The following RUNDC3B variants were observed in gnomAD, a reference collection of about 807,000 sequenced individuals.
RUNDC3B encodes RUN domain containing 3B, also known as RUN domain-containing protein 3B.
RUNDC3B carries 33 observed loss-of-function variants against 58.4 expected under a neutral mutation model. The observed-to-expected ratio is 0.56, with a 90% CI of 0.43 to 0.75. The LOEUF (loss-of-function observed/expected upper bound fraction) is 0.75, where lower values mean the gene tolerates loss of function less well. RUNDC3B is among the 30% of genes least tolerant of loss of function. The probability of loss-of-function intolerance (pLI) is 0.00; values close to 1 mark genes in which losing one functional copy is unlikely to be tolerated. For missense variants in RUNDC3B, 501 were observed against 535.7 expected (o/e 0.94, Z 0.64); for synonymous variants, 193 against 195.2 (o/e 0.99, Z 0.10).
At chr7:87,640,630 C>T (rs1363934688) in intron 1 of RUNDC3B, among the ~76,000 whole-genome samples, 2 of 152,196 alleles carry the variant, frequency 1.3e-5, no homozygotes, top group African/African-American at 4.8e-5. Flanking sequence ...CAGGCATGAG[C>T]CACCACGTGT....
At chr7:87,802,181 C>T (rs1040698501) in intron 8 of RUNDC3B, among the ~76,000 whole-genome samples, 1 of 151,988 alleles carries the variant, frequency 6.6e-6, no homozygotes, top group Admixed American at 6.6e-5. Context: ...CACTTGAGCC[C>T]AGGAGTTTGA....
rs555914294 is a variant in RUNDC3B at position 87,629,483 on chromosome 7, A to T, written c.122+538A>T. Among the ~76,000 whole-genome samples, 17 of 152,302 alleles carry T rather than the reference A, an allele frequency of 1.1e-4. No individual in the cohort carries two copies. The South Asian group carries it at 3.3e-3, about 30-fold the overall frequency. Reference sequence around the variant, plus strand: ...CTATCCACTTTTCAGCTACAGTGCTAGTGCTGGTTCTGCAGTTGTTATTAA... The same window carrying T: ...CTATCCACTTTTCAGCTACAGTGCTTGTGCTGGTTCTGCAGTTGTTATTAA... On this transcript the variant is annotated intron_variant, in intron 1 of 10. Coordinates refer to ENST00000394654, the MANE Select transcript of RUNDC3B (RefSeq NM_001134405.2).
chr7:87,672,471 T>C (rs1280380165), intron 2 of RUNDC3B, among the ~76,000 whole-genome samples: 1 of 152,122 alleles, frequency 6.6e-6, no homozygotes, highest in East Asian at 1.9e-4. Flanking sequence ...TCTTATCTTG[T>C]GGGGTGCCGT....
chr7:87,789,287 T>C (rs1835400163), intron 8 of RUNDC3B, among the ~76,000 whole-genome samples: 1 of 152,260 alleles, frequency 6.6e-6, no homozygotes, highest in Admixed American at 6.5e-5. Flanking sequence ...CTGTCCTATA[T>C]GGTTTCCTAG....
At chr7:87,732,914 A>C (rs1280283172) in intron 4 of RUNDC3B, among the ~76,000 whole-genome samples, 3 of 152,200 alleles carry the variant, frequency 2.0e-5, no homozygotes, top group Non-Finnish European at 4.4e-5. Context: ...AAACAGAAAC[A>C]CAATCTTTCC....
At chr7:87,711,658 T>C (rs1830097194) in intron 4 of RUNDC3B, among the ~76,000 whole-genome samples, 1 of 152,174 alleles carries the variant, frequency 6.6e-6, no homozygotes, top group Non-Finnish European at 1.5e-5. Context: ...CACTAACACA[T>C]GCCATGTATA....
chr7:87,679,123 C>T (rs1201587329), intron 2 of RUNDC3B, among the ~76,000 whole-genome samples: 1 of 133,236 alleles, frequency 7.5e-6, no homozygotes, highest in African/African-American at 3.0e-5. Flanking sequence ...GACAGAGTCC[C>T]GCTCTTTCCC....
chr7:87,794,202 C>T (rs1412444175), intron 8 of RUNDC3B, among the ~76,000 whole-genome samples: 5 of 152,078 alleles, frequency 3.3e-5, no homozygotes, highest in Non-Finnish European at 5.9e-5. Flanking sequence ...TTTGGGAGGC[C>T]GAGGTGGGCG....
At position 87,770,612 on chromosome 7, in the gene RUNDC3B, C is replaced by G. The variant is rs768933809; in HGVS notation, c.661C>G (p.Leu221Val). 2 of 1,613,590 alleles carry G rather than the reference C, an allele frequency of 1.2e-6. No homozygotes were observed. Among genetic ancestry groups the G allele is most frequent in the Non-Finnish European group, 1.7e-6 (2 of 1,179,736 alleles). ...SDSISSDEEE[L>V]RTLGSSGSES... Reference sequence around the variant, plus strand: ...TAGTATCAGCAGTGATGAGGAGGAGCTAAGGACTTTGGGAAGCAGTGGTAG... The same window carrying G: ...TAGTATCAGCAGTGATGAGGAGGAGGTAAGGACTTTGGGAAGCAGTGGTAG... The change falls in exon 7 of 11, where the codon CTA (leucine) becomes GTA (valine). Residue 221 changes from leucine to valine, a missense_variant. Leu to Val is a conservative substitution (Grantham distance 32). Coordinates refer to ENST00000394654, the MANE Select transcript of RUNDC3B (RefSeq NM_001134405.2).
intron 8 of RUNDC3B, among the ~76,000 whole-genome samples, chr7:87,802,929 G>C (rs1322933870): frequency 6.6e-6 from 1 of 152,058 alleles, no homozygotes; most frequent in African/African-American, 2.4e-5. Context: ...AGTTTGCAGA[G>C]AGCCATGATC....
At chr7:87,720,602 T>C (rs906196027) in intron 4 of RUNDC3B, among the ~76,000 whole-genome samples, 1 of 151,474 alleles carries the variant, frequency 6.6e-6, no homozygotes, top group South Asian at 2.1e-4. Context: ...TTTCTTTTTT[T>C]TTTTCTTTTC....
intron 2 of RUNDC3B, 56 bp from the exon 3 acceptor site, chr7:87,700,365 C>A: frequency 1.4e-6 from 2 of 1,396,860 alleles, no homozygotes; most frequent in Non-Finnish European, 1.9e-6. Context: ...CTTGCATTTT[C>A]AAGTCTAGTT....
chr7:87,750,890 C>A lies in RUNDC3B; in HGVS notation c.629+9311C>A, dbSNP rs1484502205. Among the ~76,000 whole-genome samples the A allele has an allele frequency of 2.0e-5, 3 of 151,590 alleles. No homozygotes were observed. In the Admixed American group the frequency reaches 2.0e-4, roughly 10 times the overall value. ...CAGAAGCTCTTTAGTTTAATTAGAT[C>A]TCATTTGTCAATTTTGGCTTTTGTT... On this transcript the variant is annotated intron_variant, in intron 6 of 10. Transcript: ENST00000394654.
At chr7:87,639,550 T>G (rs1822219002) in intron 1 of RUNDC3B, among the ~76,000 whole-genome samples, 1 of 152,210 alleles carries the variant, frequency 6.6e-6, no homozygotes, top group African/African-American at 2.4e-5. Flanking sequence ...TGATTTTTAC[T>G]ATAAATATTT....
At chr7:87,657,058 T>C (rs917263317) in intron 2 of RUNDC3B, among the ~76,000 whole-genome samples, 1 of 152,080 alleles carries the variant, frequency 6.6e-6, no homozygotes, top group African/African-American at 2.4e-5. Context: ...ATGACATACT[T>C]TCCCCTATTT....
chr7:87,801,297 G>C (rs892545275), intron 8 of RUNDC3B, among the ~76,000 whole-genome samples: 2 of 152,194 alleles, frequency 1.3e-5, no homozygotes, highest in Admixed American at 6.5e-5. Flanking sequence ...TCTGGGTACA[G>C]AGAATAGCAC....
At chr7:87,741,642 GT>G in intron 6 of RUNDC3B, 63 bp downstream of exon 6, 1 of 935,518 alleles carries the variant, frequency 1.1e-6, no homozygotes. Context: ...CTTGTGCAAT[GT>G]TTGTCTGATC....
intron 2 of RUNDC3B, among the ~76,000 whole-genome samples, chr7:87,659,536 T>C (rs1303487771): frequency 1.3e-5 from 2 of 152,182 alleles, no homozygotes; most frequent in African/African-American, 2.4e-5. Flanking sequence ...TACATACATA[T>C]AGGACCACAT....
At chr7:87,785,043 G>A (rs1433155719) in intron 8 of RUNDC3B, among the ~76,000 whole-genome samples, 1 of 152,026 alleles carries the variant, frequency 6.6e-6, no homozygotes, top group East Asian at 1.9e-4. Flanking sequence ...CAAGGGCATA[G>A]GATCCCCAGG....
Sources: allele counts gnomAD v4.1 joint callset (sites outside exome capture counted in the v4.1 genomes callset), GRCh38; gene constraint gnomAD v4.1.1; transcripts MANE v1.5; gene names NCBI Gene and HGNC (gene_info 2026-07-23, HGNC 2026-07-21).